CTNNA3: variants seen among roughly 807,000 people sequenced by gnomAD.
CTNNA3 encodes catenin alpha-3.
In CTNNA3, 76 loss-of-function variants were observed where a neutral mutation model predicts 95.7. The ratio of observed to expected loss-of-function variants is 0.79; its 90% CI spans 0.66 to 0.96. The LOEUF (loss-of-function observed/expected upper bound fraction) is 0.96, where lower values mean the gene tolerates loss of function less well. Ranked by LOEUF, CTNNA3 falls within the 40% of genes least tolerant of loss-of-function variation. The pLI is 0.00. For missense variants in CTNNA3, 1,191 were observed against 1,089.8 expected, an observed-to-expected ratio of 1.09 and a Z score of -1.31; for synonymous variants, 431 against 374.4, an observed-to-expected ratio of 1.15 and a Z score of -1.74.
chr10:66,183,334 C>T lies in CTNNA3; in HGVS notation c.1885-80085G>A, dbSNP rs542206202. On this transcript the variant is annotated intron_variant, in intron 13 of 17. Coordinates refer to ENST00000433211, the MANE Select transcript of CTNNA3 (RefSeq NM_013266.4). ...TGTCTCCTTTTATTCATTGCCTTCT[C>T]TGTATGAGATATGCATTTCTCTTAC... Among the ~76,000 whole-genome samples, 89 of 152,320 alleles carry T rather than the reference C, an allele frequency of 5.8e-4. No homozygotes were observed. The South Asian group carries it at 7.5e-3, about 13-fold the overall frequency.
chr10:67,554,764 T>A (rs991632533), intron 3 of CTNNA3, among the ~76,000 whole-genome samples: 7 of 152,212 alleles, frequency 4.6e-5, no homozygotes, highest in Non-Finnish European at 1.0e-4. Flanking sequence ...TTTAATTAGA[T>A]CCCATTTGTC....
intron 7 of CTNNA3, among the ~76,000 whole-genome samples, chr10:66,992,140 CA>C (rs1332684170): frequency 2.0e-5 from 3 of 152,180 alleles, no homozygotes; most frequent in Non-Finnish European, 4.4e-5. Flanking sequence ...TTCCAGCCAG[CA>C]GTGAATGAAA....
At chr10:66,307,923 G>T (rs1189586519) in intron 12 of CTNNA3, among the ~76,000 whole-genome samples, 1 of 152,176 alleles carries the variant, frequency 6.6e-6, no homozygotes, top group Non-Finnish European at 1.5e-5. Context: ...CACTCTGCTG[G>T]TTTAAATATT....
chr10:67,753,062 C>T (rs1400192841), intron 1 of CTNNA3, among the ~76,000 whole-genome samples: 1 of 152,160 alleles, frequency 6.6e-6, no homozygotes, highest in East Asian at 1.9e-4. Context: ...TGTTACCCAA[C>T]TTCAAACTAT....
intron 6 of CTNNA3, among the ~76,000 whole-genome samples, chr10:67,198,699 C>T (rs7907309): frequency 0.36 from 55,395 of 151,916 alleles, 14,402 homozygotes; most frequent in African/African-American, 0.74. Flanking sequence ...AATGTCAGTC[C>T]CTGGCTTAAT....
At chr10:67,094,536 C>G (rs1857849128) in intron 7 of CTNNA3, among the ~76,000 whole-genome samples, 2 of 151,732 alleles carry the variant, frequency 1.3e-5, no homozygotes, top group Admixed American at 1.3e-4. Context: ...GGTCCTTCCA[C>G]TGATATTTAG....
In CTNNA3 at chr10:65,994,122, G is replaced by C. The variant is rs559603079; in HGVS notation, c.2160-5325C>G. On this transcript the variant is annotated intron_variant, in intron 15 of 17. Coordinates refer to ENST00000433211, the MANE Select transcript of CTNNA3 (RefSeq NM_013266.4). ...CTGTCATTTTGTAAATTGTTTTCTG[G>C]ATGTTTTGTGTATACTTCGTTCCTT... Among the ~76,000 whole-genome samples the C allele has an allele frequency of 1.4e-4, 22 of 152,178 alleles. No homozygotes were observed. In the South Asian group the frequency reaches 4.4e-3, roughly 30 times the overall value.
At chr10:67,355,094 C>T (rs1386657936) in intron 5 of CTNNA3, among the ~76,000 whole-genome samples, 1 of 152,034 alleles carries the variant, frequency 6.6e-6, no homozygotes, top group Non-Finnish European at 1.5e-5. Flanking sequence ...TTAACAATAA[C>T]ACCACCACTT....
Position 67,419,860 on chromosome 10 carries a change from A to AT in CTNNA3, c.579+101981dup, listed in dbSNP as rs5785825. Among the ~76,000 whole-genome samples, 1,261 of 148,080 alleles carry AT rather than the reference A, an allele frequency of 8.5e-3. 6 individuals carry two copies. Among genetic ancestry groups the AT allele is most frequent in the East Asian group, 0.021 (105 of 5,034 alleles). On this transcript the variant is annotated intron_variant, in intron 5 of 17. Coordinates refer to ENST00000433211, the MANE Select transcript of CTNNA3 (RefSeq NM_013266.4). ...TAGTGTTCTTCCAGAGTTAAACAGG[A>AT]TTTTTTTTTTTTTGACAGTCTCGCT... is the stretch of plus-strand genomic sequence containing the variant.
intron 14 of CTNNA3, among the ~76,000 whole-genome samples, chr10:66,090,756 TTA>T (rs1482686435): frequency 6.6e-6 from 1 of 152,036 alleles, no homozygotes; most frequent in Non-Finnish European, 1.5e-5. Flanking sequence ...AATGCTTCTA[TTA>T]TATGTCTGTT....
At chr10:67,711,413 A>T (rs1336862297) in intron 1 of CTNNA3, among the ~76,000 whole-genome samples, 1 of 152,164 alleles carries the variant, frequency 6.6e-6, no homozygotes, top group Non-Finnish European at 1.5e-5. Context: ...GGACAATGAA[A>T]TCCAGTCTGA....
At chr10:66,574,621 T>G (rs907911130) in intron 10 of CTNNA3, among the ~76,000 whole-genome samples, 3 of 152,144 alleles carry the variant, frequency 2.0e-5, no homozygotes, top group African/African-American at 4.8e-5. Flanking sequence ...AAACAAAGGT[T>G]GTTTTTTTTT....
At chr10:67,631,760 T>C (rs1181626319) in intron 2 of CTNNA3, among the ~76,000 whole-genome samples, 1 of 151,972 alleles carries the variant, frequency 6.6e-6, no homozygotes, top group East Asian at 1.9e-4. Flanking sequence ...AAAGAAAATG[T>C]GGTGTTTATG....
chr10:67,366,750 T>C (rs1185445719), intron 5 of CTNNA3, among the ~76,000 whole-genome samples: 1 of 152,084 alleles, frequency 6.6e-6, no homozygotes, highest in African/African-American at 2.4e-5. Context: ...AAACATACAA[T>C]GGGGAAAGAA....
At chr10:66,483,981 T>A (rs902427254) in intron 11 of CTNNA3, among the ~76,000 whole-genome samples, 1 of 152,162 alleles carries the variant, frequency 6.6e-6, no homozygotes, top group Non-Finnish European at 1.5e-5. Context: ...CCACTTTAGT[T>A]TATTAAATGA....
intron 7 of CTNNA3, among the ~76,000 whole-genome samples, chr10:67,071,709 T>C (rs1589695817): frequency 1.3e-5 from 2 of 152,218 alleles, no homozygotes; most frequent in East Asian, 3.8e-4. Flanking sequence ...TCTCCCCGTG[T>C]ATTCTCTCCT....
At chr10:67,649,325 T>G (rs2133486817) in intron 1 of CTNNA3, among the ~76,000 whole-genome samples, 1 of 152,322 alleles carries the variant, frequency 6.6e-6, no homozygotes, top group South Asian at 2.1e-4. Context: ...AAATTGAAAG[T>G]AAGGAAGATA....
intron 2 of CTNNA3, among the ~76,000 whole-genome samples, chr10:67,610,056 C>A (rs1224161641): frequency 6.6e-6 from 1 of 152,134 alleles, no homozygotes; most frequent in Non-Finnish European, 1.5e-5. Context: ...CAAATTATAA[C>A]TACCAGTTTA....
At chr10:67,214,077 T>G (rs1226910902) in intron 6 of CTNNA3, among the ~76,000 whole-genome samples, 1 of 151,858 alleles carries the variant, frequency 6.6e-6, no homozygotes, top group Non-Finnish European at 1.5e-5. Flanking sequence ...TATTCTAAGC[T>G]GTCAGTCTTT....
Sources: allele counts gnomAD v4.1 joint callset (sites outside exome capture counted in the v4.1 genomes callset), GRCh38; gene constraint gnomAD v4.1.1; transcripts MANE v1.5; gene names NCBI Gene and HGNC (gene_info 2026-07-23, HGNC 2026-07-21).